The following CNTNAP2 variants were observed in gnomAD, a reference collection of about 807,000 sequenced individuals.
The protein encoded by CNTNAP2 is contactin-associated protein-like 2.
In CNTNAP2, 98 loss-of-function variants were observed where a neutral mutation model predicts 155.2. That is an observed-to-expected ratio of 0.63 (90% CI 0.54 to 0.75). CNTNAP2 has a LOEUF of 0.75. Ranked by LOEUF, CNTNAP2 falls within the 30% of genes least tolerant of loss-of-function variation. CNTNAP2 has a pLI of 0.00. For missense variants in CNTNAP2, 1,727 were observed against 1,688.1 expected (o/e 1.02, Z -0.40); for synonymous variants, 651 against 631.2 (o/e 1.03, Z -0.47).
intron 21 of CNTNAP2, among the ~76,000 whole-genome samples, chr7:148,270,638 A>C (rs1796756838): frequency 6.6e-6 from 1 of 152,256 alleles, no homozygotes; most frequent in Non-Finnish European, 1.5e-5. Flanking sequence ...GTAGACGTAT[A>C]CTGCAGGGTG....
At chr7:146,544,998 A>G (rs1332412909) in intron 1 of CNTNAP2, among the ~76,000 whole-genome samples, 1 of 151,936 alleles carries the variant, frequency 6.6e-6, no homozygotes, top group African/African-American at 2.4e-5. Flanking sequence ...TAAGCAAAGC[A>G]AAAAGGTGTT....
intron 14 of CNTNAP2, among the ~76,000 whole-genome samples, chr7:147,928,269 A>G (rs1800434870): frequency 6.6e-6 from 1 of 152,154 alleles, no homozygotes; most frequent in Non-Finnish European, 1.5e-5. Flanking sequence ...CACTCCTAAT[A>G]TACTTGGGAA....
intron 1 of CNTNAP2, among the ~76,000 whole-genome samples, chr7:146,548,696 G>C (rs960491363): frequency 2.7e-5 from 4 of 149,562 alleles, no homozygotes; most frequent in Admixed American, 2.7e-4. Context: ...ATAAAGTTCT[G>C]TTATCATTGT....
At chr7:148,359,092 A>G (rs976845946) in intron 21 of CNTNAP2, among the ~76,000 whole-genome samples, 1 of 152,238 alleles carries the variant, frequency 6.6e-6, no homozygotes, top group African/African-American at 2.4e-5. Flanking sequence ...TAGATACACA[A>G]ATACTACCAT....
At chr7:147,486,561 T>A (rs1476203743) in intron 11 of CNTNAP2, among the ~76,000 whole-genome samples, 3 of 151,946 alleles carry the variant, frequency 2.0e-5, no homozygotes, top group African/African-American at 7.3e-5. Context: ...ATAAAATACA[T>A]AAGAAGGTAA....
At chr7:147,359,702 C>G (rs1284946479) in intron 9 of CNTNAP2, among the ~76,000 whole-genome samples, 1 of 152,106 alleles carries the variant, frequency 6.6e-6, no homozygotes, top group Non-Finnish European at 1.5e-5. Context: ...CTGGAATGGT[C>G]TTCTCTTACT....
chr7:147,320,817 G>A (rs890586753), intron 9 of CNTNAP2, among the ~76,000 whole-genome samples: 1 of 152,140 alleles, frequency 6.6e-6, no homozygotes, highest in Non-Finnish European at 1.5e-5. Flanking sequence ...GCCATATCGT[G>A]ATCCTATCTG....
chr7:146,590,678 TTATTC>T (rs1415678202), intron 1 of CNTNAP2, among the ~76,000 whole-genome samples: 2 of 152,060 alleles, frequency 1.3e-5, no homozygotes, highest in Non-Finnish European at 2.9e-5. Context: ...AACACACCAT[TTATTC>T]AGCATCCCCA....
chr7:147,385,456 C>A (rs1453528627), intron 9 of CNTNAP2, among the ~76,000 whole-genome samples: 1 of 152,176 alleles, frequency 6.6e-6, no homozygotes, highest in African/African-American at 2.4e-5. Flanking sequence ...TTCCTAGACA[C>A]AATGGGCGTA....
chr7:147,552,013 A>G (rs1799862564), intron 11 of CNTNAP2, among the ~76,000 whole-genome samples: 1 of 152,164 alleles, frequency 6.6e-6, no homozygotes, highest in South Asian at 2.1e-4. Flanking sequence ...CAAATTCCTC[A>G]TTTTTATGAG....
chr7:147,352,430 A>C (rs1795983284), intron 9 of CNTNAP2, among the ~76,000 whole-genome samples: 1 of 151,934 alleles, frequency 6.6e-6, no homozygotes, highest in African/African-American at 2.4e-5. Flanking sequence ...CTCTAAACCT[A>C]ATCATACTTG....
chr7:148,400,672 C>T (rs1051999750), intron 22 of CNTNAP2, among the ~76,000 whole-genome samples: 4 of 152,128 alleles, frequency 2.6e-5, no homozygotes, highest in Admixed American at 1.3e-4. Context: ...ATACCTAATA[C>T]AACATAAATG....
intron 15 of CNTNAP2, among the ~76,000 whole-genome samples, chr7:148,052,143 C>CAAA (rs750104789): frequency 4.1e-5 from 4 of 96,932 alleles, no homozygotes; most frequent in Non-Finnish European, 6.3e-5. Flanking sequence ...ACTCCGTCTC[C>CAAA]AAAAAAAAAA....
At chr7:147,762,883 T>G (rs1358665393) in intron 13 of CNTNAP2, among the ~76,000 whole-genome samples, 2 of 152,092 alleles carry the variant, frequency 1.3e-5, no homozygotes, top group Admixed American at 1.3e-4. Context: ...ATCTATTGTG[T>G]TGTTCGACAG....
At chr7:146,455,880 G>A (rs1030956531) in intron 1 of CNTNAP2, among the ~76,000 whole-genome samples, 7 of 151,984 alleles carry the variant, frequency 4.6e-5, no homozygotes, top group South Asian at 2.1e-4. Context: ...TTTAAAAATC[G>A]TACAAGAGTA....
chr7:146,945,906 C>G (rs1797159982), intron 3 of CNTNAP2, among the ~76,000 whole-genome samples: 2 of 152,096 alleles, frequency 1.3e-5, no homozygotes, highest in Admixed American at 6.6e-5. Flanking sequence ...CATCACAACA[C>G]TAAAACTACT....
chr7:147,673,354 C>T (rs151266646), intron 13 of CNTNAP2, among the ~76,000 whole-genome samples: 2,500 of 152,258 alleles, frequency 0.016, 221 homozygotes, highest in Admixed American at 0.15. Context: ...TGTGCTATTA[C>T]ATACATTATT....
chr7:147,511,370 T>A (rs751705198), intron 11 of CNTNAP2, among the ~76,000 whole-genome samples: 1 of 152,160 alleles, frequency 6.6e-6, no homozygotes, highest in Non-Finnish European at 1.5e-5. Flanking sequence ...GATTCCACTA[T>A]TTAATTCTTC....
intron 9 of CNTNAP2, among the ~76,000 whole-genome samples, chr7:147,357,195 C>T (rs966375169): frequency 6.6e-6 from 1 of 152,066 alleles, no homozygotes; most frequent in African/African-American, 2.4e-5. Context: ...TTTTGGAGAG[C>T]TGATAAGTGA....
Sources: allele counts gnomAD v4.1 joint callset (sites outside exome capture counted in the v4.1 genomes callset), GRCh38; gene constraint gnomAD v4.1.1; transcripts MANE v1.5; gene names NCBI Gene and HGNC (gene_info 2026-07-23, HGNC 2026-07-21).